KLHL14: variants seen among roughly 807,000 people sequenced by gnomAD.
The protein encoded by KLHL14 is kelch like family member 14, also known as kelch-like protein 14.
A neutral mutation model predicts 64.3 loss-of-function variants in KLHL14; 22 were observed. That is an observed-to-expected ratio of 0.34 (90% CI 0.24 to 0.49). The LOEUF (loss-of-function observed/expected upper bound fraction) is 0.49. KLHL14 is among the 20% of genes least tolerant of loss of function. The pLI, the probability that KLHL14 is intolerant of heterozygous loss-of-function variation, is 0.99. For synonymous variants in KLHL14, 322 were observed against 333.4 expected (o/e 0.97, Z 0.37); for missense variants, 661 against 789.0 (o/e 0.84, Z 1.94).
At chr18:32,697,023 C>T (rs377085365) in intron 3 of KLHL14, among the ~76,000 whole-genome samples, 1 of 152,158 alleles carries the variant, frequency 6.6e-6, no homozygotes, top group Non-Finnish European at 1.5e-5. Flanking sequence ...AACCTCCAAT[C>T]TGGGGCATAA....
chr18:32,707,259 T>C (rs894144288), intron 3 of KLHL14, among the ~76,000 whole-genome samples: 1 of 152,210 alleles, frequency 6.6e-6, no homozygotes, highest in Admixed American at 6.5e-5. Context: ...ACCAGGCAAG[T>C]AAGAGCTTTT....
intron 5 of KLHL14, among the ~76,000 whole-genome samples, chr18:32,681,727 T>C (rs2049839863): frequency 6.6e-6 from 1 of 152,230 alleles, no homozygotes; most frequent in Non-Finnish European, 1.5e-5. Flanking sequence ...TTGTTCAATG[T>C]CGATTGCAAG....
chr18:32,769,862 GCACGGA>G lies in KLHL14; in HGVS notation c.724_729del (p.Ser242_Val243del). ...GTCTCGCGGTCGTGCTCCAGCCACA[GCACGGA>G]CATCTGGAAGAGCGCCAGCTCCGAC... On this transcript the variant is annotated inframe_deletion, in exon 2 of 9. Coordinates refer to ENST00000359358, the MANE Select transcript of KLHL14 (RefSeq NM_020805.3). The G allele has an allele frequency of 6.2e-7, 1 of 1,614,018 alleles. No homozygotes were observed. Among genetic ancestry groups the G allele is most frequent in the Non-Finnish European group, 8.5e-7 (1 of 1,180,046 alleles).
intron 3 of KLHL14, among the ~76,000 whole-genome samples, chr18:32,698,224 C>G (rs921684194): frequency 1.3e-5 from 2 of 152,146 alleles, no homozygotes; most frequent in African/African-American, 2.4e-5. Flanking sequence ...TAAATAACCA[C>G]AGATACATGC....
In KLHL14 at chr18:32,716,169, A is replaced by C. The variant is rs531746247; in HGVS notation, c.1070-20617T>G. Among the ~76,000 whole-genome samples, 8 of 152,312 alleles carry C rather than the reference A, an allele frequency of 5.3e-5. No homozygotes were observed. The South Asian group carries it at 6.2e-4, about 12-fold the overall frequency. ...TGACTATATTTTTAAAATATAGTCA[A>C]CTTGTGATTATTCAATGACCAGTGC... is the stretch of plus-strand genomic sequence containing the variant. On this transcript the variant is annotated intron_variant, in intron 3 of 8. Coordinates refer to ENST00000359358, the MANE Select transcript of KLHL14 (RefSeq NM_020805.3).
intron 2 of KLHL14, chr18:32,743,788 C>A (rs915715133): frequency 1.3e-5 from 2 of 152,112 alleles, no homozygotes; most frequent in African/African-American, 4.8e-5. Flanking sequence ...GCAGTCTGTA[C>A]CTTTCTTTCA....
At chr18:32,685,313 C>T (rs2049871637) in intron 5 of KLHL14, among the ~76,000 whole-genome samples, 1 of 152,088 alleles carries the variant, frequency 6.6e-6, no homozygotes, top group Non-Finnish European at 1.5e-5. Context: ...GCAATACTTC[C>T]CATCCTTAGG....
chr18:32,766,890 G>T (rs1239622593), intron 2 of KLHL14, among the ~76,000 whole-genome samples: 2 of 152,002 alleles, frequency 1.3e-5, no homozygotes, highest in African/African-American at 4.8e-5. Context: ...CTTAAATTAT[G>T]ATTATATTAA....
At chr18:32,716,507 C>T (rs2050046471) in intron 3 of KLHL14, among the ~76,000 whole-genome samples, 1 of 152,068 alleles carries the variant, frequency 6.6e-6, no homozygotes, top group African/African-American at 2.4e-5. Context: ...CTCTGCCACC[C>T]AGGTTCAAGT....
chr18:32,734,355 C>A, intron 3 of KLHL14: 1 of 660,778 alleles, frequency 1.5e-6, no homozygotes. Context: ...GGAGCCCCCA[C>A]ATGCCTGGAT....
chr18:32,702,715 T>G (rs2049972488), intron 3 of KLHL14, among the ~76,000 whole-genome samples: 1 of 151,554 alleles, frequency 6.6e-6, no homozygotes, highest in African/African-American at 2.4e-5. Flanking sequence ...TACGGACAGT[T>G]AGTCTGGAAA....
chr18:32,744,863 A>T (rs908427562), intron 2 of KLHL14: 1 of 152,210 alleles, frequency 6.6e-6, no homozygotes, highest in Non-Finnish European at 1.5e-5. Flanking sequence ...CTGTCCTCTA[A>T]GAAGTGGACT....
At chr18:32,716,973 A>G (rs2050049353) in intron 3 of KLHL14, among the ~76,000 whole-genome samples, 1 of 152,174 alleles carries the variant, frequency 6.6e-6, no homozygotes, top group Non-Finnish European at 1.5e-5. Context: ...GACTGGGCCT[A>G]TAAGAGAAAG....
At chr18:32,753,652 C>T (rs2050267867) in intron 2 of KLHL14, among the ~76,000 whole-genome samples, 1 of 152,116 alleles carries the variant, frequency 6.6e-6, no homozygotes, top group African/African-American at 2.4e-5. Context: ...AGCTCATAAG[C>T]CCCAAGGATC....
At chr18:32,760,798 C>T (rs2050310285) in intron 2 of KLHL14, among the ~76,000 whole-genome samples, 1 of 152,188 alleles carries the variant, frequency 6.6e-6, no homozygotes, top group Non-Finnish European at 1.5e-5. Flanking sequence ...AAATGAAAGA[C>T]ATTTATAACT....
At chr18:32,688,135 C>T (rs1428116133) in intron 4 of KLHL14, among the ~76,000 whole-genome samples, 1 of 152,174 alleles carries the variant, frequency 6.6e-6, no homozygotes, top group East Asian at 1.9e-4. Flanking sequence ...ATATTACATT[C>T]TCTGTAGCAC....
At chr18:32,736,679 T>C (rs563944656) in intron 3 of KLHL14, among the ~76,000 whole-genome samples, 26 of 152,138 alleles carry the variant, frequency 1.7e-4, no homozygotes, top group Non-Finnish European at 3.1e-4. Flanking sequence ...GATTTTCCTA[T>C]AGATACACAA....
At position 32,770,270 on chromosome 18, in the gene KLHL14, A is replaced by G; in HGVS notation, c.322T>C (p.Ser108Pro). ...AGCAGCTTGTCGTCGGGGGAGGAAG[A>G]AGGAGTCCCGGGCTCCTCCTGCGGC... ...PPPQEEPGTP[S>P]SSPDDKLLTS... is the part of the protein sequence containing the mutation. Residue 108 changes from serine to proline, a missense_variant, in exon 2 of 9, where the codon TCT (serine) becomes CCT (proline). This residue lies in a region of KLHL14 where 331 missense variants were observed against 339.0 expected (regional missense o/e 0.98). Transcript: ENST00000359358. The surrounding 1 kb of genome is among the most constrained non-coding windows in gnomAD (Gnocchi z 6.7). 6.3e-7 allele frequency: 1 copy of G among 1,593,080 alleles called. No individual in the cohort carries two copies. The highest frequency in any genetic ancestry group is 8.6e-7 in the Non-Finnish European group (1 of 1,168,556).
intron 3 of KLHL14, among the ~76,000 whole-genome samples, chr18:32,741,412 A>C (rs1175975242): frequency 6.6e-6 from 1 of 152,200 alleles, no homozygotes; most frequent in Non-Finnish European, 1.5e-5. Context: ...ATAGGCCACA[A>C]ATATATCTGT....
Sources: allele counts gnomAD v4.1 joint callset (sites outside exome capture counted in the v4.1 genomes callset), GRCh38; gene constraint gnomAD v4.1.1; regional missense constraint gnomAD v4.1.1; non-coding constraint Gnocchi (gnomAD v3.1); transcripts MANE v1.5; gene names NCBI Gene and HGNC (gene_info 2026-07-23, HGNC 2026-07-21).